ZEB1: variants seen among roughly 807,000 people sequenced by gnomAD.
ZEB1 encodes the protein zinc finger E-box-binding homeobox 1.
A neutral mutation model predicts 84.9 loss-of-function variants in ZEB1; 21 were observed. The ratio of observed to expected loss-of-function variants is 0.25; its 90% CI spans 0.18 to 0.36. The LOEUF is 0.36. Ranked by LOEUF, ZEB1 falls within the 10% of genes least tolerant of loss-of-function variation. The pLI, the probability that ZEB1 is intolerant of heterozygous loss-of-function variation, is 1.00. For synonymous variants in ZEB1, 420 were observed against 471.1 expected (o/e 0.89, Z 1.41); for missense variants, 1,104 against 1,330.2 (o/e 0.83, Z 2.65).
intron 1 of ZEB1, among the ~76,000 whole-genome samples, chr10:31,431,467 C>T (rs1220929597): frequency 6.6e-6 from 1 of 152,080 alleles, no homozygotes; most frequent in East Asian, 1.9e-4. Flanking sequence ...ATTTTTACAT[C>T]CCAGAGTATG....
Position 31,461,104 on chromosome 10 carries a change from G to A in ZEB1, c.126G>A (p.Val42=). ...DSDDEDKLHI[V]EEESVTDAAD... The stretch of plus-strand genomic sequence containing the variant: ...ATGATGAAGACAAACTGCATATTGT[G>A]GAAGAAGAAAGTGTTACAGATGCAG... The change falls in exon 2 of 9, where the codon GTG becomes GTA. Residue 42 remains valine (V), a synonymous_variant. Coordinates refer to ENST00000424869, the MANE Select transcript of ZEB1 (RefSeq NM_001174096.2). 6.2e-7 allele frequency: 1 copy of A among 1,613,498 alleles called. No homozygotes were observed. Among genetic ancestry groups the A allele is most frequent in the Non-Finnish European group, 8.5e-7 (1 of 1,179,680 alleles).
At chr10:31,475,219 A>C (rs1002464301) in intron 2 of ZEB1, among the ~76,000 whole-genome samples, 1 of 119,270 alleles carries the variant, frequency 8.4e-6, no homozygotes, top group Non-Finnish European at 1.5e-5. Context: ...ATAATAAAAG[A>C]AAAAAAAAAA....
intron 7 of ZEB1, 48 bp from the exon 8 acceptor site, chr10:31,523,885 T>TA (rs2072880451): frequency 1.3e-6 from 2 of 1,592,368 alleles, no homozygotes; most frequent in Non-Finnish European, 1.7e-6. Context: ...TATCTCTTGT[T>TA]TATCTTTTAA....
Position 31,495,771 on chromosome 10 carries a change from T to A in ZEB1, c.260-5T>A, listed in dbSNP as rs2067139842. 1 of 1,612,792 alleles carries A rather than the reference T, an allele frequency of 6.2e-7. No homozygotes were observed. Among genetic ancestry groups the A allele is most frequent in the Non-Finnish European group, 8.5e-7 (1 of 1,179,006 alleles). ...GATCTATTTTAATTTCTTCTTTGAT[T>A]TCAGCAGGAAAGGAAGGGCAAGAAA... On this transcript the variant is annotated splice_polypyrimidine_tract_variant and splice_region_variant and intron_variant, in intron 2 of 8. Coordinates refer to ENST00000424869, the MANE Select transcript of ZEB1 (RefSeq NM_001174096.2).
chr10:31,453,121 T>C (rs1015526911), intron 1 of ZEB1, among the ~76,000 whole-genome samples: 1 of 152,146 alleles, frequency 6.6e-6, no homozygotes, highest in South Asian at 2.1e-4. Flanking sequence ...AGTGCATGCT[T>C]AGGGGCTTGA....
At position 31,521,823 on chromosome 10, in the gene ZEB1, G is replaced by T. The variant is rs1284262566; in HGVS notation, c.2491G>T (p.Ala831Ser). Residue 831 changes from alanine to serine, a missense_variant, in exon 7 of 9, where the codon GCT (alanine) becomes TCT (serine). This residue lies in a region of ZEB1 where 531 missense variants were observed against 575.2 expected (regional missense o/e 0.92). Coordinates refer to ENST00000424869, the MANE Select transcript of ZEB1 (RefSeq NM_001174096.2). ...CAGTGTTCCATGCTTAAGAGCGCTA[G>T]CTGCCAATAAGCAAACGATTCTGAT... ...QNSVPCLRAL[A>S]ANKQTILIPQ... 1 of 1,613,564 alleles carries T rather than the reference G, an allele frequency of 6.2e-7. No individual in the cohort carries two copies. Among genetic ancestry groups the T allele is most frequent in the Non-Finnish European group, 8.5e-7 (1 of 1,179,792 alleles).
At chr10:31,332,167 C>T (rs2036935837) in intron 1 of ZEB1, among the ~76,000 whole-genome samples, 1 of 152,118 alleles carries the variant, frequency 6.6e-6, no homozygotes, top group Admixed American at 6.5e-5. Context: ...AATGGTGCTG[C>T]CACTACCACT....
intron 1 of ZEB1, among the ~76,000 whole-genome samples, chr10:31,423,946 G>A (rs552028194): frequency 6.6e-6 from 1 of 152,098 alleles, no homozygotes; most frequent in South Asian, 2.1e-4. Flanking sequence ...ATGTTTCTTA[G>A]AGATTCTGTA....
intron 2 of ZEB1, among the ~76,000 whole-genome samples, chr10:31,472,484 T>C (rs1003009422): frequency 6.6e-6 from 1 of 151,594 alleles, no homozygotes; most frequent in Non-Finnish European, 1.5e-5. Flanking sequence ...CCTCGACACA[T>C]ACACTCTCCC....
chr10:31,473,173 A>G (rs1441633758), intron 2 of ZEB1, among the ~76,000 whole-genome samples: 127 of 150,678 alleles, frequency 8.4e-4, no homozygotes, highest in South Asian at 2.1e-4. Context: ...CTCTCTCACC[A>G]CTCCTATTCA....
intron 1 of ZEB1, among the ~76,000 whole-genome samples, chr10:31,435,743 G>A (rs1038135305): frequency 6.6e-6 from 1 of 152,312 alleles, no homozygotes; most frequent in African/African-American, 2.4e-5. Context: ...AAAATGTGGA[G>A]CCTTGCAGGA....
At chr10:31,326,020 G>GA (rs910922034) in intron 1 of ZEB1, among the ~76,000 whole-genome samples, 3 of 143,170 alleles carry the variant, frequency 2.1e-5, no homozygotes. Flanking sequence ...GTTTGCTGAT[G>GA]AAAAAAACTC....
intron 1 of ZEB1, among the ~76,000 whole-genome samples, chr10:31,452,460 G>A (rs2060674771): frequency 1.3e-5 from 2 of 152,044 alleles, no homozygotes; most frequent in Admixed American, 6.6e-5. Context: ...ATATGCAGAA[G>A]TTTTCTCTGA....
At chr10:31,419,987 G>C (rs569569034) in intron 1 of ZEB1, among the ~76,000 whole-genome samples, 16 of 152,172 alleles carry the variant, frequency 1.1e-4, no homozygotes, top group African/African-American at 3.9e-4. Flanking sequence ...GAATATCCTA[G>C]GTGAAGATGA....
intron 5 of ZEB1, among the ~76,000 whole-genome samples, chr10:31,511,994 T>C (rs1316596131): frequency 6.6e-6 from 1 of 152,080 alleles, no homozygotes; most frequent in African/African-American, 2.4e-5. Flanking sequence ...GAAGGAGCAC[T>C]TGAAACAGGT....
At chr10:31,389,948 C>T (rs1409553331) in intron 1 of ZEB1, among the ~76,000 whole-genome samples, 1 of 151,988 alleles carries the variant, frequency 6.6e-6, no homozygotes, top group Non-Finnish European at 1.5e-5. Flanking sequence ...TACCATATTC[C>T]ACAGTTCAGA....
chr10:31,349,364 T>C (rs2040896192), intron 1 of ZEB1, among the ~76,000 whole-genome samples: 1 of 152,212 alleles, frequency 6.6e-6, no homozygotes, highest in Non-Finnish European at 1.5e-5. Flanking sequence ...CTCTTACGAA[T>C]AATGCTGAAA....
chr10:31,344,179 T>C (rs1262526178), intron 1 of ZEB1, among the ~76,000 whole-genome samples: 2 of 152,200 alleles, frequency 1.3e-5, no homozygotes, highest in East Asian at 3.9e-4. Flanking sequence ...AATAGGCACA[T>C]TAACTGACAA....
At chr10:31,476,449 A>C (rs1350597870) in intron 2 of ZEB1, among the ~76,000 whole-genome samples, 4 of 151,800 alleles carry the variant, frequency 2.6e-5, no homozygotes, top group Non-Finnish European at 5.9e-5. Flanking sequence ...ATGAGTAAGG[A>C]AATTGAATCA....
Sources: gnomAD v4.1 joint callset for allele counts (sites outside exome capture counted in the v4.1 genomes callset) on GRCh38, gnomAD v4.1.1 for gene constraint, gnomAD v4.1.1 regional missense constraint, MANE v1.5 for transcripts, NCBI Gene and HGNC (gene_info 2026-07-23, HGNC 2026-07-21) for gene names.